TCF12: variants seen among roughly 807,000 people sequenced by gnomAD.
TCF12 encodes the protein DNA-binding protein HTF4.
TCF12 carries 45 observed loss-of-function variants against 86.0 expected under a neutral mutation model. The observed-to-expected ratio is 0.52, with a 90% CI of 0.41 to 0.67. The LOEUF is 0.67. TCF12 is among the 30% of genes least tolerant of loss of function. The probability of loss-of-function intolerance (pLI) is 0.00; values close to 1 mark genes in which losing one functional copy is unlikely to be tolerated. For synonymous variants in TCF12, 330 were observed against 299.6 expected (o/e 1.10, Z -1.05); for missense variants, 881 against 859.9 (o/e 1.02, Z -0.31).
At chr15:56,927,989 T>C (rs980859904) in intron 3 of TCF12, among the ~76,000 whole-genome samples, 1 of 152,154 alleles carries the variant, frequency 6.6e-6, no homozygotes, top group Non-Finnish European at 1.5e-5. Context: ...CCTGTGCTTA[T>C]AGAAATGGAG....
chr15:57,240,556 A>C (rs1471647927), intron 12 of TCF12, among the ~76,000 whole-genome samples: 2 of 152,194 alleles, frequency 1.3e-5, no homozygotes, highest in Non-Finnish European at 2.9e-5. Context: ...TTGAATTATG[A>C]ACATAAGAAA....
At chr15:57,128,450 T>A (rs562644658) in intron 5 of TCF12, among the ~76,000 whole-genome samples, 11 of 152,378 alleles carry the variant, frequency 7.2e-5, no homozygotes, top group Non-Finnish European at 1.0e-4. Context: ...TGCCATTTTT[T>A]AAAATATTTA....
At chr15:57,042,302 G>C (rs1331851609) in intron 3 of TCF12, among the ~76,000 whole-genome samples, 1 of 152,042 alleles carries the variant, frequency 6.6e-6, no homozygotes, top group Non-Finnish European at 1.5e-5. Flanking sequence ...AACAAAAGTA[G>C]TAATGTTTCT....
At chr15:57,241,494 A>AT (rs2059628075) in intron 12 of TCF12, among the ~76,000 whole-genome samples, 1 of 152,194 alleles carries the variant, frequency 6.6e-6, no homozygotes, top group South Asian at 2.1e-4. Context: ...TAAATAGAGT[A>AT]TACAGTGTCT....
intron 8 of TCF12, among the ~76,000 whole-genome samples, chr15:57,217,306 A>C (rs1597382597): frequency 6.6e-6 from 1 of 152,150 alleles, no homozygotes; most frequent in African/African-American, 2.4e-5. Context: ...TGATTATACT[A>C]TTTGGCTTTT....
intron 3 of TCF12, among the ~76,000 whole-genome samples, chr15:57,050,591 A>T (rs2067543773): frequency 6.6e-6 from 1 of 151,846 alleles, no homozygotes; most frequent in African/African-American, 2.4e-5. Context: ...CAGTTTTTTC[A>T]CTGATTTGGG....
chr15:57,223,919 A>G (rs1236887607), intron 8 of TCF12, among the ~76,000 whole-genome samples: 1 of 151,926 alleles, frequency 6.6e-6, no homozygotes, highest in Admixed American at 6.6e-5. Context: ...TAGGGAAAAC[A>G]TGAAGTCATT....
chr15:57,038,048 G>A (rs1382064898), intron 3 of TCF12, among the ~76,000 whole-genome samples: 2 of 152,118 alleles, frequency 1.3e-5, no homozygotes, highest in African/African-American at 2.4e-5. Context: ...ACAAAATTAA[G>A]TGGAAAAATT....
intron 3 of TCF12, among the ~76,000 whole-genome samples, chr15:56,935,839 A>G (rs1407026032): frequency 6.6e-6 from 1 of 152,038 alleles, no homozygotes; most frequent in Non-Finnish European, 1.5e-5. Context: ...GTATTCTATC[A>G]TGTATATATA....
intron 8 of TCF12, 71 bp from the exon 9 acceptor site, chr15:57,231,081 A>T: frequency 8.2e-7 from 1 of 1,221,582 alleles, no homozygotes; most frequent in South Asian, 1.2e-5. Context: ...CTTACAGAAT[A>T]TAGAACTCAT....
intron 4 of TCF12, among the ~76,000 whole-genome samples, chr15:57,086,879 C>T (rs2048671430): frequency 1.3e-5 from 2 of 151,858 alleles, no homozygotes; most frequent in Non-Finnish European, 2.9e-5. Flanking sequence ...TGATGATACT[C>T]TATAAATTGG....
chr15:56,995,230 G>GGTTTTTTT (rs1440501811), intron 3 of TCF12, among the ~76,000 whole-genome samples: 1 of 13,730 alleles, frequency 7.3e-5, no homozygotes, highest in Non-Finnish European at 1.9e-4. Flanking sequence ...GATACCTGCA[G>GGTTTTTTT]CTTTTTTTTT....
intron 4 of TCF12, among the ~76,000 whole-genome samples, chr15:57,081,199 CT>C (rs2070620028): frequency 6.6e-6 from 1 of 152,136 alleles, no homozygotes. Context: ...TTATGAATTA[CT>C]GTTTGAACAG....
At chr15:57,262,611 A>T (rs984848233) in intron 17 of TCF12, among the ~76,000 whole-genome samples, 1 of 152,204 alleles carries the variant, frequency 6.6e-6, no homozygotes, top group Non-Finnish European at 1.5e-5. Flanking sequence ...TTGAAGAGAC[A>T]TGCAATTTTG....
intron 6 of TCF12, among the ~76,000 whole-genome samples, chr15:57,167,969 C>T (rs2055025085): frequency 6.6e-6 from 1 of 152,196 alleles, no homozygotes; most frequent in Non-Finnish European, 1.5e-5. Flanking sequence ...ATCTGTTAAA[C>T]TTTTAGGAAT....
chr15:56,933,003 ATTG>A (rs1371761389), intron 3 of TCF12, among the ~76,000 whole-genome samples: 3 of 152,198 alleles, frequency 2.0e-5, no homozygotes, highest in Non-Finnish European at 4.4e-5. Context: ...GTGTGGTCTT[ATTG>A]TTAAGCTGTC....
chr15:57,160,355 A>G (rs542026929), intron 5 of TCF12, among the ~76,000 whole-genome samples: 1 of 152,172 alleles, frequency 6.6e-6, no homozygotes, highest in African/African-American at 2.4e-5. Flanking sequence ...AAACCATCAG[A>G]TCTCATGAGA....
At chr15:57,126,984 CT>C (rs11361012) in intron 5 of TCF12, among the ~76,000 whole-genome samples, 49,670 of 137,276 alleles carry the variant, frequency 0.36, 10,265 homozygotes, top group Non-Finnish European at 0.5. Flanking sequence ...TTTTTCTTTT[CT>C]TTTTTTTTTT....
intron 3 of TCF12, among the ~76,000 whole-genome samples, chr15:57,037,896 A>T (rs920103964): frequency 6.6e-6 from 1 of 152,240 alleles, no homozygotes; most frequent in East Asian, 1.9e-4. Flanking sequence ...TATTGAACCA[A>T]ATCATAGGAT....
Sources: allele counts gnomAD v4.1 joint callset (sites outside exome capture counted in the v4.1 genomes callset), GRCh38; gene constraint gnomAD v4.1.1; transcripts MANE v1.5; gene names NCBI Gene and HGNC (gene_info 2026-07-23, HGNC 2026-07-21).